Variants in KLK15 observed in about 807,000 individuals in gnomAD.
KLK15 encodes kallikrein-15.
In KLK15, 19 loss-of-function variants were observed where a neutral mutation model predicts 21.1. The ratio of observed to expected loss-of-function variants is 0.90; its 90% CI spans 0.63 to 1.32. The LOEUF (loss-of-function observed/expected upper bound fraction) is 1.32, where lower values mean the gene tolerates loss of function less well. Among genes scored for constraint, KLK15 ranks in the 40% most tolerant of loss-of-function variants. KLK15 has a pLI of 0.00. For synonymous variants in KLK15, 141 were observed against 141.5 expected, an observed-to-expected ratio of 1.00 and a Z score of 0.03; for missense variants, 345 against 348.6, an observed-to-expected ratio of 0.99 and a Z score of 0.08.
intron 2 of KLK15, 24 bp from the exon 4 acceptor site, chr19:50,827,185 G>T: frequency 1.3e-6 from 2 of 1,556,830 alleles, no homozygotes; most frequent in African/African-American, 1.3e-5. Context: ...TGGTTTTCCC[G>T]CCAGTGGAGT....
intron 1 of KLK15, 52 bp from the exon 3 acceptor site, chr19:50,827,867 C>T (rs1179411743): frequency 1.3e-6 from 2 of 1,555,558 alleles, no homozygotes; most frequent in African/African-American, 2.7e-5. Flanking sequence ...ACATTGCCTC[C>T]TACACCTTCC....
At chr19:50,829,026 T>C (rs1368828260) in intron 1 of KLK15, among the ~76,000 whole-genome samples, 1 of 137,600 alleles carries the variant, frequency 7.3e-6, no homozygotes, top group Non-Finnish European at 1.6e-5. Context: ...TATGTGTATA[T>C]GAATATGGAT....
intron 4 of KLK15, 119 bp downstream of exon 5, chr19:50,826,502 C>T: frequency 1.1e-5 from 14 of 1,271,204 alleles, no homozygotes; most frequent in Non-Finnish European, 1.5e-5. Context: ...CCTACTCCAT[C>T]TCCAAGCCTA....
At chr19:50,832,757 C>T (rs2090012489), upstream of KLK15, among the ~76,000 whole-genome samples, 1 of 152,116 alleles carries the variant, frequency 6.6e-6, no homozygotes, top group South Asian at 2.1e-4. Context: ...CCTCCCACCG[C>T]ATATCCAACG....
chr19:50,830,051 G>T (rs1290488902), intron 1 of KLK15, among the ~76,000 whole-genome samples: 2 of 151,480 alleles, frequency 1.3e-5, no homozygotes, highest in Non-Finnish European at 3.0e-5. Context: ...CAGCCCCCAA[G>T]CCAGATCTGT....
At chr19:50,829,819 A>G (rs574547822) in intron 1 of KLK15, among the ~76,000 whole-genome samples, 1 of 151,780 alleles carries the variant, frequency 6.6e-6, no homozygotes, top group South Asian at 2.1e-4. Context: ...TCCGTCTCAA[A>G]AAAAACCAAA....
At chr19:50,825,568 C>A, downstream of KLK15, 1 of 414,056 alleles carries the variant, frequency 2.4e-6, no homozygotes. Flanking sequence ...AGAAAAAAGT[C>A]ACAGAAATTC....
At position 50,826,892 on chromosome 19, in the gene KLK15, CT is replaced by C; in HGVS notation, c.466del (p.Ser156AlafsTer6). 1.3e-6 allele frequency: 2 copies of C among 1,563,456 alleles called. No individual in the cohort carries two copies. The highest frequency in any genetic ancestry group is 1.7e-6 in the Non-Finnish European group (2 of 1,153,486). ...CTTTCACGCACCTTGTGACCGGGGG[CT>C]CCCAGCGGTCCCAGGCTCGTTGTGG... On this transcript the variant is annotated frameshift_variant, in exon 3 of 5. Transcript: ENST00000598239. LOFTEE classifies it high-confidence loss of function.
intron 1 of KLK15, chr19:50,830,429 CAAAG>C (rs1168048930): frequency 1.3e-5 from 2 of 152,056 alleles, no homozygotes; most frequent in Non-Finnish European, 2.9e-5. Flanking sequence ...AGGGGCTTAA[CAAAG>C]GAAGGGTGAG....
chr19:50,828,477 C>T (rs954748077), intron 1 of KLK15, among the ~76,000 whole-genome samples: 3 of 151,714 alleles, frequency 2.0e-5, no homozygotes, highest in African/African-American at 7.2e-5. Flanking sequence ...CATGTGGCCA[C>T]TCAGTATGTG....
intron 1 of KLK15, among the ~76,000 whole-genome samples, chr19:50,829,450 A>G (rs990969598): frequency 6.6e-5 from 10 of 151,718 alleles, no homozygotes; most frequent in African/African-American, 2.2e-4. Flanking sequence ...TCCATCCTGG[A>G]GATGGCCAAC....
At chr19:50,831,835 G>A (rs1169334998), upstream of KLK15, among the ~76,000 whole-genome samples, 9 of 148,124 alleles carry the variant, frequency 6.1e-5, no homozygotes, top group Admixed American at 6.7e-5. Context: ...TTTTTGAGAC[G>A]GAGTCTCACT....
chr19:50,830,010 C>T (rs1370700292), intron 1 of KLK15, among the ~76,000 whole-genome samples: 3 of 151,468 alleles, frequency 2.0e-5, no homozygotes, highest in Non-Finnish European at 3.0e-5. Context: ...CAGAGGCAGC[C>T]AGGGCAGGAC....
In KLK15 at chr19:50,826,758, C is replaced by G; in HGVS notation, c.482-1G>C. On this transcript the variant is annotated splice_acceptor_variant, in intron 3 of 4. Transcript: ENST00000598239. LOFTEE classifies it high-confidence loss of function. ...CAATGCAACGTATCTGGGAGACTCA[C>G]TGGGGAAGACAGTGGACTTGGAGCA... The G allele has an allele frequency of 1.2e-6, 2 of 1,609,206 alleles. No individual in the cohort carries two copies. The highest frequency in any genetic ancestry group is 1.7e-6 in the Non-Finnish European group (2 of 1,178,004).
upstream of KLK15, chr19:50,831,584 TC>T: frequency 9.6e-7 from 1 of 1,038,184 alleles, no homozygotes; most frequent in Non-Finnish European, 1.3e-6. Context: ...CCAGGATCCC[TC>T]CAGACACAGA....
chr19:50,826,590 C>G (rs771006322), intron 4 of KLK15, 31 bp downstream of exon 5: 10 of 1,556,870 alleles, frequency 6.4e-6, no homozygotes, highest in Admixed American at 5.9e-5. Context: ...CATCCCTCTT[C>G]TTCCGCCTGA....
At chr19:50,828,491 C>A (rs1055539352) in intron 1 of KLK15, among the ~76,000 whole-genome samples, 4 of 151,674 alleles carry the variant, frequency 2.6e-5, no homozygotes, top group African/African-American at 9.7e-5. Context: ...GTATGTGTGA[C>A]CCAGCCTTGG....
intron 1 of KLK15, among the ~76,000 whole-genome samples, chr19:50,829,520 G>C (rs150725583): frequency 6.6e-6 from 1 of 151,802 alleles, no homozygotes; most frequent in East Asian, 1.9e-4. Flanking sequence ...GCCAGGTGTG[G>C]TGGCTCACGC....
At chr19:50,831,342 T>C in intron 1 of KLK15, 108 bp downstream of exon 2, 1 of 763,298 alleles carries the variant, frequency 1.3e-6, no homozygotes, top group Admixed American at 4.2e-5. Context: ...GGAAGGATCT[T>C]TAGTGGTCTC....
Sources: allele counts gnomAD v4.1 joint callset (sites outside exome capture counted in the v4.1 genomes callset), GRCh38; gene constraint gnomAD v4.1.1; transcripts MANE v1.5; gene names NCBI Gene and HGNC (gene_info 2026-07-23, HGNC 2026-07-21).